C1orf50: variants seen among roughly 807,000 people sequenced by gnomAD.
C1orf50 encodes uncharacterized protein C1orf50.
Under a neutral mutation model 23.3 loss-of-function variants are expected in C1orf50, and 22 were observed. The ratio of observed to expected loss-of-function variants is 0.94; its 90% CI spans 0.67 to 1.35. The LOEUF (loss-of-function observed/expected upper bound fraction) is 1.35, where lower values mean the gene tolerates loss of function less well. Ranked by LOEUF, C1orf50 falls within the 40% of genes most tolerant of loss-of-function variation. The pLI, the probability that C1orf50 is intolerant of heterozygous loss-of-function variation, is 0.00. For missense variants in C1orf50, 271 were observed against 249.4 expected (o/e 1.09, Z -0.58); for synonymous variants, 96 against 102.4 (o/e 0.94, Z 0.38).
chr1:42,768,418 A>G (rs1458602807), intron 2 of C1orf50, among the ~76,000 whole-genome samples: 1 of 152,230 alleles, frequency 6.6e-6, no homozygotes, highest in Admixed American at 6.5e-5. Flanking sequence ...TTTAAAGATT[A>G]TCATGGCCCC....
At chr1:42,774,934 G>C in intron 4 of C1orf50, 66 bp downstream of exon 4, 1 of 1,544,864 alleles carries the variant, frequency 6.5e-7, no homozygotes, top group Non-Finnish European at 8.8e-7. Flanking sequence ...GTATATGTGT[G>C]AAAATGTAGA....
At position 42,775,525 on chromosome 1, in the gene C1orf50, A is replaced by C; in HGVS notation, c.*131A>C. On this transcript the variant is annotated 3_prime_UTR_variant, in exon 5 of 5. Transcript: ENST00000372525. The stretch of plus-strand genomic sequence containing the variant: ...TTGGAAAGAGACCCTGTGTGAATGT[A>C]AATGCTGTCATTATGACTTTTAATT... 1.4e-6 allele frequency: 1 copy of C among 711,216 alleles called. No homozygotes were observed. The highest frequency in any genetic ancestry group is 2.7e-5 in the East Asian group (1 of 36,492). 44.1% of individuals were successfully genotyped at this position (711,216 alleles called of 1,614,324 possible). A position where few individuals can be genotyped will look rare whatever the true frequency, so the allele number is the denominator to read the frequency against.
intron 2 of C1orf50, among the ~76,000 whole-genome samples, chr1:42,770,276 C>G (rs1178483909): frequency 6.6e-6 from 1 of 151,696 alleles, no homozygotes; most frequent in Non-Finnish European, 1.5e-5. Flanking sequence ...TTTATATTAA[C>G]TCTTCAAAAT....
At position 42,767,327 on chromosome 1, in the gene C1orf50, G is replaced by A. The variant is rs769991508; in HGVS notation, c.16G>A (p.Ala6Thr). The A allele has an allele frequency of 3.3e-6, 5 of 1,519,940 alleles. No homozygotes were observed. The highest frequency in any genetic ancestry group is 3.5e-6 in the Non-Finnish European group (4 of 1,139,370). The allele number at this position is 1,519,940 out of a possible 1,614,324, so 94.2% of individuals were successfully genotyped here. A position where few individuals can be genotyped will look rare whatever the true frequency, so the allele number is the denominator to read the frequency against. The stretch of plus-strand genomic sequence containing the variant: ...AGGCGCTGTCATGGAGGACGCCGCC[G>A]CGCCGGGGCGGACCGAGGGGGTCCT... Reference protein sequence around the residue: MEDAAAPGRTEGVLER... With the variant: MEDAATPGRTEGVLER... The change falls in exon 1 of 5, where the codon GCG (alanine) becomes ACG (threonine). Residue 6 changes from alanine to threonine, a missense_variant. Transcript: ENST00000372525.
At position 42,767,634 on chromosome 1, in the gene C1orf50, C is replaced by T. The variant is rs1339438443; in HGVS notation, c.195+10C>T. The stretch of plus-strand genomic sequence containing the variant: ...AGAGCAGGTGCAGAAGGTGAGGAGG[C>T]GCGGCCGGGGCAGCGAATAACCATC... On this transcript the variant is annotated intron_variant, in intron 2 of 4. Coordinates refer to ENST00000372525, the MANE Select transcript of C1orf50 (RefSeq NM_024097.4). 2.5e-6 allele frequency: 4 copies of T among 1,602,892 alleles called. No individual in the cohort carries two copies. Among genetic ancestry groups the T allele is most frequent in the Admixed American group, 1.7e-5 (1 of 58,930 alleles).
intron 2 of C1orf50, among the ~76,000 whole-genome samples, chr1:42,770,659 C>T (rs377408961): frequency 1.6e-4 from 24 of 152,210 alleles, no homozygotes; most frequent in African/African-American, 4.8e-4. Context: ...CTCAAACGCC[C>T]GACCTCAGGT....
chr1:42,776,068 A>C lies in C1orf50; in HGVS notation c.*674A>C, dbSNP rs1653335016. ...CAGGTTTGGGGAGAGTCAACTTTGA[A>C]ACTCACAAATTTTAGACTTGGAAGA... On this transcript the variant is annotated 3_prime_UTR_variant, in exon 5 of 5. Transcript: ENST00000372525. 6.6e-6 allele frequency: 1 copy of C among 152,122 alleles called. No homozygotes were observed. The highest frequency in any genetic ancestry group is 2.4e-5 in the African/African-American group (1 of 41,404). 9.4% of individuals were successfully genotyped at this position (152,122 alleles called of 1,614,324 possible).
rs1370150578 is a variant in C1orf50 at position 42,775,353 on chromosome 1, C to T, written c.559C>T (p.Pro187Ser). The stretch of plus-strand genomic sequence containing the variant: ...GTTGCTAAGCCAGTCAGTGGCCCTG[C>T]CTCCGTGCACTGAACCCAACTTCCA... ...DTLLSQSVALPPCTEPNFQGL... is the reference protein window; with the variant it reads ...DTLLSQSVALSPCTEPNFQGL... The change falls in exon 5 of 5, where the codon CCT becomes TCT. Residue 187 changes from proline (P) to serine (S), a missense_variant. Transcript: ENST00000372525. 3.1e-6 allele frequency: 5 copies of T among 1,607,540 alleles called. No individual in the cohort carries two copies. In the Admixed American group the frequency reaches 8.3e-5, roughly 27 times the overall value.
intron 2 of C1orf50, among the ~76,000 whole-genome samples, chr1:42,771,918 C>G (rs577240205): frequency 6.7e-6 from 1 of 150,366 alleles, no homozygotes; most frequent in East Asian, 1.9e-4. Context: ...GCGGAGGTTG[C>G]AGTGAGCCTC....
rs1653098511 is a variant in C1orf50, at chr1:42,767,522, G to C, written c.93G>C (p.Glu31Asp). 6.3e-7 allele frequency: 1 copy of C among 1,580,884 alleles called. No individual in the cohort carries two copies. The highest frequency in any genetic ancestry group is 2.3e-5 in the East Asian group (1 of 43,362). Reference protein sequence around the residue: ...PAAGQGGALVELTPTPGGLAL... With the variant: ...PAAGQGGALVDLTPTPGGLAL... ...TGTGTGTCGCAGGAGCCCTGGTGGAGCTCACCCCGACCCCCGGCGGCCTGG... is the reference window on the plus strand; with the variant it reads ...TGTGTGTCGCAGGAGCCCTGGTGGACCTCACCCCGACCCCCGGCGGCCTGG... The change falls in exon 2 of 5, where the codon GAG becomes GAC. Residue 31 changes from glutamate (E) to aspartate (D), a missense_variant. Coordinates refer to ENST00000372525, the MANE Select transcript of C1orf50 (RefSeq NM_024097.4).
At chr1:42,772,076 C>T (rs1359779833) in intron 2 of C1orf50, among the ~76,000 whole-genome samples, 2 of 151,880 alleles carry the variant, frequency 1.3e-5, no homozygotes, top group African/African-American at 4.8e-5. Flanking sequence ...TTCTGTTGAA[C>T]GGTATTAGAC....
At chr1:42,774,516 C>T (rs1653293560) in intron 3 of C1orf50, among the ~76,000 whole-genome samples, 1 of 152,224 alleles carries the variant, frequency 6.6e-6, no homozygotes, top group Non-Finnish European at 1.5e-5. Flanking sequence ...AATCACTGTG[C>T]CTGGCTTGAA....
chr1:42,767,731 C>T, intron 2 of C1orf50, 107 bp downstream of exon 2: 1 of 1,008,104 alleles, frequency 9.9e-7, no homozygotes, highest in Non-Finnish European at 1.5e-6. Context: ...GGCATTTGCT[C>T]TTGTCTCCAT....
intron 3 of C1orf50, among the ~76,000 whole-genome samples, chr1:42,773,925 C>T (rs926253491): frequency 7.3e-5 from 11 of 151,708 alleles, no homozygotes; most frequent in Non-Finnish European, 1.5e-4. Flanking sequence ...CGGGTTCAAG[C>T]GATTCTCCTG....
At position 42,773,597 on chromosome 1, in the gene C1orf50, A is replaced by ATTT. The variant is rs1434061665; in HGVS notation, c.230_231insTTT (p.Lys77delinsAsnLeu). On this transcript the variant is annotated protein_altering_variant, in exon 3 of 5. Coordinates refer to ENST00000372525, the MANE Select transcript of C1orf50 (RefSeq NM_024097.4). ...TTCATCCGAGCAAATGCCACCAACAAGCTGACAGTCATAGCTGAGCAAATC... is the reference window on the plus strand; with the variant it reads ...TTCATCCGAGCAAATGCCACCAACAATTTGCTGACAGTCATAGCTGAGCAAATC... 3 of 1,613,212 alleles carry ATTT rather than the reference A, an allele frequency of 1.9e-6. No homozygotes were observed. The highest frequency in any genetic ancestry group is 2.5e-6 in the Non-Finnish European group (3 of 1,179,408).
chr1:42,769,351 A>G (rs4660666), intron 2 of C1orf50, among the ~76,000 whole-genome samples: 99,097 of 150,876 alleles, frequency 0.66, 32,772 homozygotes, highest in South Asian at 0.83. Flanking sequence ...TTGGAGACCA[A>G]CCTGGGCGAC....
chr1:42,773,732 T>A, intron 3 of C1orf50, 83 bp downstream of exon 3: 1 of 836,208 alleles, frequency 1.2e-6, no homozygotes, highest in East Asian at 2.7e-5. Context: ...TCGTTGTGAC[T>A]TTTTATGTCT....
At chr1:42,771,166 A>G (rs911526777) in intron 2 of C1orf50, among the ~76,000 whole-genome samples, 1 of 152,190 alleles carries the variant, frequency 6.6e-6, no homozygotes, top group Non-Finnish European at 1.5e-5. Context: ...CCTTCATAAC[A>G]GTGCATTGTT....
intron 2 of C1orf50, among the ~76,000 whole-genome samples, chr1:42,770,375 C>T (rs910080196): frequency 2.6e-5 from 4 of 151,808 alleles, no homozygotes; most frequent in Non-Finnish European, 5.9e-5. Flanking sequence ...CTGGAACTAC[C>T]TTAGCTCTAG....
Sources: allele counts gnomAD v4.1 joint callset (sites outside exome capture counted in the v4.1 genomes callset), GRCh38; gene constraint gnomAD v4.1.1; transcripts MANE v1.5; gene names NCBI Gene and HGNC (gene_info 2026-07-23, HGNC 2026-07-21).